The following COL24A1 variants were observed in gnomAD, a reference collection of about 807,000 sequenced individuals.
COL24A1 encodes collagen alpha-1(XXIV) chain.
A neutral mutation model predicts 253.9 loss-of-function variants in COL24A1; 224 were observed. The observed-to-expected ratio is 0.88, with a 90% CI of 0.79 to 0.99. COL24A1 has a LOEUF of 0.99. COL24A1 is among the 50% of genes least tolerant of loss of function. COL24A1 has a pLI of 0.00. For synonymous variants in COL24A1, 685 were observed against 673.7 expected (o/e 1.02, Z -0.26); for missense variants, 2,131 against 2,068.5 (o/e 1.03, Z -0.59).
chr1:85,996,868 T>C (rs1304575911), intron 19 of COL24A1, among the ~76,000 whole-genome samples: 4 of 151,760 alleles, frequency 2.6e-5, no homozygotes, highest in Admixed American at 2.0e-4. Flanking sequence ...GTTAGGTGAT[T>C]AAAAAAGATT....
intron 21 of COL24A1, among the ~76,000 whole-genome samples, chr1:85,970,698 T>C (rs1398811594): frequency 2.0e-5 from 3 of 152,188 alleles, no homozygotes; most frequent in Non-Finnish European, 4.4e-5. Flanking sequence ...ATTTATTTGG[T>C]AAATATTTTG....
intron 19 of COL24A1, among the ~76,000 whole-genome samples, chr1:86,010,691 A>C (rs539435837): frequency 2.4e-4 from 36 of 152,250 alleles, no homozygotes; most frequent in African/African-American, 7.2e-4. Context: ...CTGGAAACAA[A>C]CTAAATTTCC....
intron 31 of COL24A1, among the ~76,000 whole-genome samples, chr1:85,890,694 T>C (rs900717445): frequency 6.6e-6 from 1 of 152,178 alleles, no homozygotes; most frequent in Non-Finnish European, 1.5e-5. Context: ...TTATTTTAAA[T>C]CTGAATTTCT....
At position 85,761,536 on chromosome 1, in the gene COL24A1, G is replaced by C; in HGVS notation, c.4405C>G (p.Pro1469Ala). 6.2e-7 allele frequency: 1 copy of C among 1,614,058 alleles called. No individual in the cohort carries two copies. Among genetic ancestry groups the C allele is most frequent in the Non-Finnish European group, 8.5e-7 (1 of 1,179,966 alleles). ...GPQGPRGQPG[P>A]PGPPGAPGPR... ...ATAAATGAAAACCAACTCACTGGAG[G>C]CCCTGGTTGACCTCTTGGTCCTTGA... Residue 1469 changes from proline to alanine, a missense_variant, in exon 54 of 60, where the codon CCT becomes GCT. Coordinates refer to ENST00000370571, the MANE Select transcript of COL24A1 (RefSeq NM_152890.7).
intron 47 of COL24A1, among the ~76,000 whole-genome samples, chr1:85,806,709 G>A (rs1672009876): frequency 6.6e-6 from 1 of 152,208 alleles, no homozygotes; most frequent in Non-Finnish European, 1.5e-5. Context: ...GGAATGGACT[G>A]CTGATATTGA....
At chr1:85,876,646 G>C (rs55929629) in intron 33 of COL24A1, among the ~76,000 whole-genome samples, 5 of 152,122 alleles carry the variant, frequency 3.3e-5, no homozygotes, top group Admixed American at 6.5e-5. Flanking sequence ...TAATGAGAAG[G>C]TGAAGTGACA....
intron 47 of COL24A1, among the ~76,000 whole-genome samples, chr1:85,787,128 C>T (rs1035053313): frequency 5.3e-5 from 8 of 151,170 alleles, no homozygotes; most frequent in East Asian, 1.9e-4. Flanking sequence ...CAGTCATGCT[C>T]ATTCATTTAC....
intron 2 of COL24A1, among the ~76,000 whole-genome samples, chr1:86,132,214 T>C (rs537466386): frequency 1.3e-5 from 2 of 152,256 alleles, no homozygotes; most frequent in South Asian, 4.1e-4. Flanking sequence ...ATGGGGTTGT[T>C]TGTTTTTTTC....
chr1:85,813,587 G>T (rs1672777798), intron 47 of COL24A1, among the ~76,000 whole-genome samples: 1 of 113,398 alleles, frequency 8.8e-6, no homozygotes, highest in South Asian at 3.1e-4. Flanking sequence ...GTCTCGCTCT[G>T]TCGCCCAGGC....
chr1:86,138,596 G>A (rs1337398294), intron 2 of COL24A1, among the ~76,000 whole-genome samples: 1 of 152,128 alleles, frequency 6.6e-6, no homozygotes, highest in Non-Finnish European at 1.5e-5. Flanking sequence ...GAGGTAAGAT[G>A]TGACTTGCTC....
chr1:86,070,129 T>A (rs1016404144), intron 7 of COL24A1, among the ~76,000 whole-genome samples: 15 of 152,006 alleles, frequency 9.9e-5, no homozygotes, highest in African/African-American at 3.6e-4. Flanking sequence ...AACAAAGAGA[T>A]AGAAATAATT....
intron 19 of COL24A1, among the ~76,000 whole-genome samples, chr1:85,991,502 G>A (rs1694269477): frequency 6.6e-6 from 1 of 152,146 alleles, no homozygotes; most frequent in African/African-American, 2.4e-5. Context: ...GTAACTGTCA[G>A]TTTTAGTCTT....
chr1:85,910,053 T>C (rs1413631729), intron 25 of COL24A1, 50 bp from the exon 26 acceptor site: 1 of 1,447,564 alleles, frequency 6.9e-7, no homozygotes, highest in Admixed American at 1.7e-5. Context: ...TATTAATTAG[T>C]CATGACTGAG....
At chr1:85,761,694 T>G (rs1666866444) in intron 53 of COL24A1, 128 bp from the exon 54 acceptor site, 23 of 863,350 alleles carry the variant, frequency 2.7e-5, no homozygotes, top group Non-Finnish European at 4.3e-5. Context: ...TAAAATTGTT[T>G]TAGTATTCTA....
At chr1:85,951,748 T>G (rs368787592) in intron 24 of COL24A1, among the ~76,000 whole-genome samples, 1 of 152,210 alleles carries the variant, frequency 6.6e-6, no homozygotes, top group Non-Finnish European at 1.5e-5. Flanking sequence ...TGACAGCAAA[T>G]TGATTTTATC....
intron 31 of COL24A1, among the ~76,000 whole-genome samples, chr1:85,889,961 A>G (rs778790693): frequency 6.6e-6 from 1 of 151,970 alleles, no homozygotes; most frequent in Non-Finnish European, 1.5e-5. Context: ...TGTCTCCATG[A>G]ATTTGACTAC....
At chr1:85,920,520 C>T (rs1429034238) in intron 24 of COL24A1, among the ~76,000 whole-genome samples, 1 of 151,938 alleles carries the variant, frequency 6.6e-6, no homozygotes, top group Non-Finnish European at 1.5e-5. Context: ...AGAGTGTGTG[C>T]TTGTAGAAGA....
chr1:85,980,916 C>CA (rs1019984282), intron 20 of COL24A1, among the ~76,000 whole-genome samples: 77 of 142,212 alleles, frequency 5.4e-4, no homozygotes, highest in African/African-American at 6.0e-4. Context: ...GACTCCGTCT[C>CA]AAAAAAAAAA....
At chr1:85,897,050 A>G (rs1406771677) in intron 28 of COL24A1, among the ~76,000 whole-genome samples, 2 of 152,246 alleles carry the variant, frequency 1.3e-5, no homozygotes, top group African/African-American at 4.8e-5. Flanking sequence ...ACTCTAAATT[A>G]AAAGTGGCTG....
Sources: allele counts gnomAD v4.1 joint callset (sites outside exome capture counted in the v4.1 genomes callset), GRCh38; gene constraint gnomAD v4.1.1; transcripts MANE v1.5; gene names NCBI Gene and HGNC (gene_info 2026-07-23, HGNC 2026-07-21).